The following ATR variants were observed in gnomAD, a reference collection of about 807,000 sequenced individuals.
ATR encodes the protein serine/threonine-protein kinase ATR.
In ATR, 142 loss-of-function variants were observed where a neutral mutation model predicts 305.3. That is an observed-to-expected ratio of 0.47 (90% CI 0.41 to 0.53). The LOEUF (loss-of-function observed/expected upper bound fraction) is 0.53, where lower values mean the gene tolerates loss of function less well. ATR is among the 20% of genes least tolerant of loss of function. ATR has a pLI of 0.00. For missense variants in ATR, 2,135 were observed against 3,133.1 expected (o/e 0.68, Z 7.60); for synonymous variants, 1,050 against 1,068.1 (o/e 0.98, Z 0.33).
rs1308191466 is a variant in ATR at position 142,469,250 on chromosome 3, T to G, written c.6552+87A>C. 2.7e-6 allele frequency: 3 copies of G among 1,099,814 alleles called. No individual in the cohort carries two copies. In the Admixed American group the frequency reaches 7.0e-5, roughly 26 times the overall value. 68.1% of individuals were successfully genotyped at this position (1,099,814 alleles called of 1,614,324 possible). ...TAATACAGGAGAGACGCCCTGGAAC[T>G]TGTATCTACATATTAGTATTACATA... is the stretch of plus-strand genomic sequence containing the variant. On this transcript the variant is annotated intron_variant, in intron 38 of 46. Coordinates refer to ENST00000350721, the MANE Select transcript of ATR (RefSeq NM_001184.4).
chr3:142,475,985 T>C (rs912904514), intron 36 of ATR, among the ~76,000 whole-genome samples: 1 of 152,254 alleles, frequency 6.6e-6, no homozygotes, highest in Non-Finnish European at 1.5e-5. Context: ...TTGTAGATTC[T>C]GGATATTAGC....
chr3:142,451,580 G>A (rs1442996104), intron 46 of ATR: 2 of 1,311,334 alleles, frequency 1.5e-6, no homozygotes, highest in Non-Finnish European at 2.0e-6. Context: ...CCCAGCAGTT[G>A]GAAGGATCTG....
intron 3 of ATR, among the ~76,000 whole-genome samples, chr3:142,565,450 GA>G (rs2035033987): frequency 6.6e-6 from 1 of 152,134 alleles, no homozygotes; most frequent in Admixed American, 6.5e-5. Flanking sequence ...TAAGCCTAGA[GA>G]AAAGCTTCAA....
chr3:142,524,080 C>T lies in ATR; in HGVS notation c.4065G>A (p.Gly1355=). The part of the protein sequence containing the change: ...DANSQARLLC[G]ECLGELGAID... Reference sequence around the variant, plus strand: ...TCGCCCCCAATTCCCCTAAACATTCCCCACAGAGCAACCGAGCTTGAGAGT... The same window carrying T: ...TCGCCCCCAATTCCCCTAAACATTCTCCACAGAGCAACCGAGCTTGAGAGT... The change falls in exon 22 of 47, where the codon GGG becomes GGA. Residue 1355 remains glycine, a synonymous_variant. Transcript: ENST00000350721. 6.2e-7 allele frequency: 1 copy of T among 1,614,082 alleles called. No homozygotes were observed. Among genetic ancestry groups the T allele is most frequent in the Middle Eastern group, 1.6e-4 (1 of 6,062 alleles).
chr3:142,519,546 C>A, intron 24 of ATR, 123 bp downstream of exon 24: 1 of 718,370 alleles, frequency 1.4e-6, no homozygotes, highest in Non-Finnish European at 2.4e-6. Flanking sequence ...GTGATCCGCC[C>A]GCCTCAGCCT....
chr3:142,547,988 C>T, intron 15 of ATR, 78 bp from the exon 16 acceptor site: 2 of 1,260,074 alleles, frequency 1.6e-6, no homozygotes, highest in African/African-American at 1.5e-5. Flanking sequence ...TTTTAACATG[C>T]TATTAGTACA....
rs772482403 is a variant in ATR at position 142,558,604 on chromosome 3, A to C, written c.1885+20T>G. The C allele has an allele frequency of 6.2e-7, 1 of 1,601,810 alleles. No homozygotes were observed. Among genetic ancestry groups the C allele is most frequent in the Non-Finnish European group, 8.5e-7 (1 of 1,171,012 alleles). ...TAGATAAATAAAACAAACCACACAC[A>C]CATTCTTGTGAGCACTTACAATAGC... On this transcript the variant is annotated intron_variant, in intron 8 of 46. Coordinates refer to ENST00000350721, the MANE Select transcript of ATR (RefSeq NM_001184.4).
intron 21 of ATR, among the ~76,000 whole-genome samples, chr3:142,530,137 T>C (rs2033580552): frequency 6.6e-6 from 1 of 152,132 alleles, no homozygotes; most frequent in Non-Finnish European, 1.5e-5. Flanking sequence ...CTTTATCTCA[T>C]TTTTCTTCTG....
At chr3:142,463,485 C>T (rs2071062914) in intron 41 of ATR, among the ~76,000 whole-genome samples, 1 of 152,180 alleles carries the variant, frequency 6.6e-6, no homozygotes, top group Admixed American at 6.5e-5. Flanking sequence ...CAACCTCCGC[C>T]TCCCAGGCTC....
At chr3:142,521,989 G>C (rs1053313406) in intron 23 of ATR, among the ~76,000 whole-genome samples, 12 of 152,154 alleles carry the variant, frequency 7.9e-5, no homozygotes, top group Admixed American at 3.3e-4. Context: ...AGCATCACAG[G>C]CTACAGAGAA....
intron 16 of ATR, 89 bp downstream of exon 16, chr3:142,547,636 T>C (rs1014608189): frequency 2.8e-6 from 4 of 1,441,572 alleles, no homozygotes; most frequent in Non-Finnish European, 2.8e-6. Flanking sequence ...AGCCAGAAAA[T>C]GACCAAAAAT....
intron 21 of ATR, among the ~76,000 whole-genome samples, chr3:142,527,953 G>A (rs557636303): frequency 3.1e-4 from 47 of 152,216 alleles, no homozygotes; most frequent in African/African-American, 1.0e-3. Flanking sequence ...GTTTATTCAA[G>A]AATACCAAAG....
At chr3:142,465,441 C>A in intron 40 of ATR, 1 of 349,874 alleles carries the variant, frequency 2.9e-6, no homozygotes. Context: ...GAAACATTTT[C>A]ACCCATTAAA....
chr3:142,573,650 T>G (rs1381494990), intron 1 of ATR, among the ~76,000 whole-genome samples: 1 of 152,154 alleles, frequency 6.6e-6, no homozygotes, highest in East Asian at 1.9e-4. Flanking sequence ...GGTAGCCACA[T>G]TAAGAAAAGA....
chr3:142,563,055 C>G lies in ATR; in HGVS notation c.347G>C (p.Cys116Ser), dbSNP rs1158349298. The G allele has an allele frequency of 3.7e-5, 60 of 1,600,686 alleles. No individual in the cohort carries two copies. Among genetic ancestry groups the G allele is most frequent in the Non-Finnish European group, 5.0e-5 (59 of 1,176,244 alleles). Residue 116 changes from cysteine to serine, a missense_variant, in exon 4 of 47, where the codon TGT (cysteine) becomes TCT (serine). By Grantham distance (112) the Cys-to-Ser change is moderately radical. Transcript: ENST00000350721. The part of the protein sequence containing the change: ...RLLRIAATPS[C>S]HLLHKKICEV... ...ACAGATTTTCTTGTGTAACAAATGA[C>G]AGGAGGGAGTTGCTGCAATCCGCAG...
chr3:142,544,107 T>C (rs936201082), intron 16 of ATR, among the ~76,000 whole-genome samples: 1 of 152,142 alleles, frequency 6.6e-6, no homozygotes, highest in African/African-American at 2.4e-5. Context: ...TCCAAGTTTG[T>C]AAAATGTGAA....
chr3:142,456,219 G>A (rs926514918), intron 45 of ATR, among the ~76,000 whole-genome samples: 1 of 152,208 alleles, frequency 6.6e-6, no homozygotes, highest in African/African-American at 2.4e-5. Context: ...TGGAGATCAC[G>A]TTACTGCACT....
Position 142,547,908 on chromosome 3 carries a change from A to G in ATR, c.3174T>C (p.Asn1058=). The G allele has an allele frequency of 6.2e-7, 1 of 1,613,890 alleles. No individual in the cohort carries two copies. The highest frequency in any genetic ancestry group is 8.5e-7 in the Non-Finnish European group (1 of 1,179,892). The change falls in exon 16 of 47, where the codon AAT becomes AAC. Residue 1058 remains asparagine (N), a splice_region_variant and synonymous_variant. Coordinates refer to ENST00000350721, the MANE Select transcript of ATR (RefSeq NM_001184.4). ...ELERALHYLK[N]ETEIELGSLL... is the part of the protein sequence containing the mutation. ...GGCTCCCCAGTTCAATTTCTGTTTCATTCTAACCCAAAGACATGTTAAAAA... is the reference window on the plus strand; with the variant it reads ...GGCTCCCCAGTTCAATTTCTGTTTCGTTCTAACCCAAAGACATGTTAAAAA...
intron 36 of ATR, among the ~76,000 whole-genome samples, chr3:142,484,361 C>T (rs979266981): frequency 1.3e-5 from 2 of 152,092 alleles, no homozygotes; most frequent in Non-Finnish European, 2.9e-5. Flanking sequence ...TTAAAAACCC[C>T]ACAGGACAGA....
Sources: gnomAD v4.1 joint callset for allele counts (sites outside exome capture counted in the v4.1 genomes callset) on GRCh38, gnomAD v4.1.1 for gene constraint, MANE v1.5 for transcripts, NCBI Gene and HGNC (gene_info 2026-07-23, HGNC 2026-07-21) for gene names.